Variants in SPATA13 observed in about 807,000 individuals in gnomAD.
SPATA13 encodes the protein spermatogenesis associated 13, also known as spermatogenesis-associated protein 13.
Under a neutral mutation model 104.0 loss-of-function variants are expected in SPATA13, and 50 were observed. That is an observed-to-expected ratio of 0.48 (90% CI 0.38 to 0.61). The LOEUF (loss-of-function observed/expected upper bound fraction) is 0.61, where lower values mean the gene tolerates loss of function less well. Ranked by LOEUF, SPATA13 falls within the 20% of genes least tolerant of loss-of-function variation. The pLI, the probability that SPATA13 is intolerant of heterozygous loss-of-function variation, is 0.00. For missense variants in SPATA13, 1,524 were observed against 1,690.6 expected (o/e 0.90, Z 1.73); for synonymous variants, 606 against 667.5 (o/e 0.91, Z 1.42).
At chr13:24,036,242 G>A (rs1205562449) in intron 3 of SPATA13, among the ~76,000 whole-genome samples, 1 of 152,136 alleles carries the variant, frequency 6.6e-6, no homozygotes, top group Non-Finnish European at 1.5e-5. Flanking sequence ...GAGTAGGAAC[G>A]ACAGTGTTTT....
At chr13:24,278,920 CCT>C (rs1593490422) in intron 4 of SPATA13, 1 of 1,233,364 alleles carries the variant, frequency 8.1e-7, no homozygotes, top group East Asian at 2.9e-5. Context: ...TTCCTTCCTT[CCT>C]TCCCTCTTTC....
At chr13:24,279,642 A>G (rs1875347621) in intron 4 of SPATA13, among the ~76,000 whole-genome samples, 1 of 152,190 alleles carries the variant, frequency 6.6e-6, no homozygotes, top group African/African-American at 2.4e-5. Context: ...GGGTCGTGGG[A>G]TGTGAGAGGT....
At chr13:24,219,747 A>G (rs949878391) in intron 1 of SPATA13, among the ~76,000 whole-genome samples, 16 of 152,178 alleles carry the variant, frequency 1.1e-4, no homozygotes, top group African/African-American at 3.4e-4. Context: ...GGGGAAGGAG[A>G]CACCTGCAGT....
In SPATA13 at chr13:24,286,597, G is replaced by A. The variant is rs988182807; in HGVS notation, c.2482-168G>A. ...TGCTCGGTGTTTCTCTGTGGTCCTC[G>A]TGCCTGCTGGCATAGCCGCAGCCCT... On this transcript the variant is annotated intron_variant, in intron 6 of 12. Coordinates refer to ENST00000382108, the MANE Select transcript of SPATA13 (RefSeq NM_001166271.3). The surrounding 1 kb of genome is among the most constrained non-coding windows in gnomAD (Gnocchi z 4.9). Among the ~76,000 whole-genome samples, 11 of 152,114 alleles carry A rather than the reference G, an allele frequency of 7.2e-5. No homozygotes were observed. The highest frequency in any genetic ancestry group is 2.6e-4 in the Admixed American group (4 of 15,278).
At chr13:24,010,424 T>G (rs1477283090) in intron 2 of SPATA13, among the ~76,000 whole-genome samples, 3 of 151,980 alleles carry the variant, frequency 2.0e-5, no homozygotes, top group Admixed American at 2.0e-4. Flanking sequence ...CTTGAGGAGT[T>G]TCCTTGTGGG....
chr13:24,005,255 T>A (rs185074292), intron 2 of SPATA13, among the ~76,000 whole-genome samples: 1 of 152,304 alleles, frequency 6.6e-6, no homozygotes, highest in African/African-American at 2.4e-5. Context: ...CTGTTTTGAT[T>A]CTTAAATTTT....
In SPATA13 at chr13:24,069,676, C is replaced by A. The variant is rs78075726; in HGVS notation, c.-112+51975C>A. Reference sequence around the variant, plus strand: ...TTTTATTTTTCTTAATTTTACATTCCAGGGGTGCATGCCTAACATGCATTA... The same window carrying A: ...TTTTATTTTTCTTAATTTTACATTCAAGGGGTGCATGCCTAACATGCATTA... On this transcript the variant is annotated intron_variant, in intron 3 of 14. Transcript: ENST00000424834. Among the ~76,000 whole-genome samples the A allele has an allele frequency of 3.6e-3, 549 of 152,266 alleles. 15 individuals carry two copies. In the East Asian group the frequency reaches 0.062, roughly 17 times the overall value.
intron 3 of SPATA13, among the ~76,000 whole-genome samples, chr13:24,059,182 A>G (rs1227338417): frequency 6.6e-6 from 1 of 151,680 alleles, no homozygotes; most frequent in Non-Finnish European, 1.5e-5. Context: ...CGTGTTAGCC[A>G]GGATGGTCTC....
intron 2 of SPATA13, among the ~76,000 whole-genome samples, chr13:23,992,640 CTCTT>C (rs1417750890): frequency 6.6e-6 from 1 of 152,132 alleles, no homozygotes; most frequent in Non-Finnish European, 1.5e-5. Flanking sequence ...TTCCGGGACT[CTCTT>C]TAAGAAATGA....
intron 10 of SPATA13, among the ~76,000 whole-genome samples, chr13:24,297,137 CAG>C (rs935282629): frequency 1.3e-5 from 2 of 152,124 alleles, no homozygotes; most frequent in African/African-American, 2.4e-5. Context: ...CTCCTGGGCT[CAG>C]GGGATCCTCC....
At chr13:24,208,452 T>C (rs1870832976) in intron 1 of SPATA13, among the ~76,000 whole-genome samples, 1 of 152,212 alleles carries the variant, frequency 6.6e-6, no homozygotes, top group African/African-American at 2.4e-5. Flanking sequence ...CTCCTAGCAC[T>C]CCAGTGAGTG....
chr13:24,037,752 A>T (rs920132319), intron 3 of SPATA13, among the ~76,000 whole-genome samples: 2 of 151,658 alleles, frequency 1.3e-5, no homozygotes, highest in African/African-American at 4.8e-5. Context: ...AAGCAGAAAA[A>T]TTGATCGGAG....
exon 2 of SPATA13, chr13:23,983,882 A>G: frequency 2.0e-6 from 2 of 985,448 alleles, no homozygotes; most frequent in Non-Finnish European, 2.4e-6. Context: ...ATGAAATGGC[A>G]ACACCGTGCA....
chr13:24,230,758 A>G (rs1326533266), intron 2 of SPATA13, among the ~76,000 whole-genome samples: 2 of 152,212 alleles, frequency 1.3e-5, no homozygotes, highest in Non-Finnish European at 1.5e-5. Flanking sequence ...ACTTCTGTAC[A>G]GGGTGGCTGG....
At position 24,086,860 on chromosome 13, in the gene SPATA13, C is replaced by T. The variant is rs564879020; in HGVS notation, c.-112+69159C>T. Reference sequence around the variant, plus strand: ...CCAGCAATGAAGCAGATGCCTCCCTCCAGGGTCAGAGTGGAGCAGCGAGGT... The same window carrying T: ...CCAGCAATGAAGCAGATGCCTCCCTTCAGGGTCAGAGTGGAGCAGCGAGGT... On this transcript the variant is annotated intron_variant, in intron 3 of 14. Coordinates refer to the SPATA13 transcript ENST00000424834. Among the ~76,000 whole-genome samples the T allele has an allele frequency of 1.5e-4, 23 of 152,230 alleles. No individual in the cohort carries two copies. The South Asian group carries it at 4.4e-3, about 29-fold the overall frequency.
rs1398805262 is a variant in SPATA13, at chr13:24,303,128, A to G, written c.*355A>G. 3 of 379,312 alleles carry G rather than the reference A, an allele frequency of 7.9e-6. No individual in the cohort carries two copies. The highest frequency in any genetic ancestry group is 2.1e-5 in the African/African-American group (1 of 48,132). The allele number at this position is 379,312 out of a possible 1,614,324, so 23.5% of individuals were successfully genotyped here. On this transcript the variant is annotated 3_prime_UTR_variant, in exon 13 of 13. Coordinates refer to ENST00000382108, the MANE Select transcript of SPATA13 (RefSeq NM_001166271.3). ...AAGTGCCTGCTGCAGGTCCAAACACAGCATCCAGGGCTTTGCAGTTCCTAA... is the reference window on the plus strand; with the variant it reads ...AAGTGCCTGCTGCAGGTCCAAACACGGCATCCAGGGCTTTGCAGTTCCTAA...
intron 3 of SPATA13, chr13:24,251,330 T>C (rs1156381795): frequency 8.0e-6 from 3 of 376,678 alleles, no homozygotes; most frequent in Admixed American, 6.4e-5. Flanking sequence ...TGTGGCCTTG[T>C]CCTGGCTTCC....
intron 3 of SPATA13, among the ~76,000 whole-genome samples, chr13:24,140,033 C>T (rs1881705756): frequency 6.7e-6 from 1 of 149,230 alleles, no homozygotes; most frequent in East Asian, 2.0e-4. Context: ...CGTGCCACTG[C>T]ACGCCAGCCT....
At position 24,114,096 on chromosome 13, in the gene SPATA13, C is replaced by T. The variant is rs550350830; in HGVS notation, c.-112+96395C>T. ...GCTTATCTAAGAGGTGCAAGACATT[C>T]ATATGCAGTGTAGAAGGACAAGTGT... is the stretch of plus-strand genomic sequence containing the variant. On this transcript the variant is annotated intron_variant, in intron 3 of 14. Transcript: ENST00000424834. Among the ~76,000 whole-genome samples the T allele has an allele frequency of 3.2e-4, 49 of 152,238 alleles. No homozygotes were observed. The South Asian group carries it at 9.9e-3, about 31-fold the overall frequency.
Sources: gnomAD v4.1 joint callset for allele counts (sites outside exome capture counted in the v4.1 genomes callset) on GRCh38, gnomAD v4.1.1 for gene constraint, Gnocchi (gnomAD v3.1) non-coding constraint, MANE v1.5 for transcripts, NCBI Gene and HGNC (gene_info 2026-07-23, HGNC 2026-07-21) for gene names.